SGCZ: variants seen among roughly 807,000 people sequenced by gnomAD.
The protein encoded by SGCZ is sarcoglycan zeta, also known as zeta-sarcoglycan.
A neutral mutation model predicts 41.3 loss-of-function variants in SGCZ; 40 were observed. The ratio of observed to expected loss-of-function variants is 0.97; its 90% confidence interval spans 0.75 to 1.26. The LOEUF (loss-of-function observed/expected upper bound fraction) is 1.26. Ranked by LOEUF, SGCZ falls within the 50% of genes most tolerant of loss-of-function variation. The pLI is 0.00. For synonymous variants in SGCZ, 206 were observed against 137.5 expected (o/e 1.50, Z -3.49); for missense variants, 552 against 369.8 (o/e 1.49, Z -4.04).
At chr8:14,524,382 A>G (rs770408254) in intron 2 of SGCZ, among the ~76,000 whole-genome samples, 7 of 151,934 alleles carry the variant, frequency 4.6e-5, no homozygotes, top group Non-Finnish European at 7.4e-5. Context: ...ACACTAGGCT[A>G]GGTCTCCAGT....
intron 2 of SGCZ, among the ~76,000 whole-genome samples, chr8:14,505,314 G>T (rs369660745): frequency 3.6e-4 from 55 of 152,224 alleles, no homozygotes; most frequent in African/African-American, 1.3e-3. Flanking sequence ...TGATGCAAGT[G>T]TAAGGACATA....
chr8:14,532,776 A>G (rs1458460919), intron 2 of SGCZ, among the ~76,000 whole-genome samples: 2 of 151,238 alleles, frequency 1.3e-5, no homozygotes, highest in African/African-American at 2.4e-5. Context: ...AGACTAAGCT[A>G]TTTCACTTAA....
chr8:14,088,133 G>A lies in SGCZ; in HGVS notation c.*2310C>T, dbSNP rs1243994767. ...ATTTAAAATTTCATTTTTCTCTTTT[G>A]CCTTTTGTAATTTTGAAATTAGAAC... On this transcript the variant is annotated 3_prime_UTR_variant, in exon 8 of 8. Coordinates refer to ENST00000382080, the MANE Select transcript of SGCZ (RefSeq NM_139167.4). Among the ~76,000 whole-genome samples the A allele has an allele frequency of 6.9e-6, 1 of 144,554 alleles. No individual in the cohort carries two copies. Among genetic ancestry groups the A allele is most frequent in the African/African-American group, 2.6e-5 (1 of 39,050 alleles). The allele number at this position is 144,554 out of a possible 152,430, so 94.8% of individuals were successfully genotyped here. A position where few individuals can be genotyped will look rare whatever the true frequency, so the allele number is the denominator to read the frequency against.
intron 1 of SGCZ, among the ~76,000 whole-genome samples, chr8:14,783,573 A>C (rs536727522): frequency 1.3e-4 from 20 of 148,650 alleles, no homozygotes; most frequent in Non-Finnish European, 2.4e-4. Context: ...ACTATAACAT[A>C]ATAATTTTTT....
intron 1 of SGCZ, among the ~76,000 whole-genome samples, chr8:15,133,731 C>T (rs1405125472): frequency 1.3e-5 from 2 of 152,082 alleles, no homozygotes; most frequent in Non-Finnish European, 2.9e-5. Context: ...GTCTTCACAA[C>T]AAACGAAGAT....
chr8:14,323,989 C>G, intron 3 of SGCZ, 114 bp downstream of exon 3: 1 of 644,540 alleles, frequency 1.6e-6, no homozygotes, highest in Non-Finnish European at 2.7e-6. Flanking sequence ...AGGTGTTTAG[C>G]TTAAGGAAAC....
At chr8:15,007,617 C>A (rs1423530514) in intron 1 of SGCZ, among the ~76,000 whole-genome samples, 2 of 152,144 alleles carry the variant, frequency 1.3e-5, no homozygotes, top group African/African-American at 2.4e-5. Flanking sequence ...ATTTTAAGTT[C>A]TTGAAATTAG....
At chr8:14,999,932 C>T (rs1448660458) in intron 1 of SGCZ, among the ~76,000 whole-genome samples, 1 of 152,124 alleles carries the variant, frequency 6.6e-6, no homozygotes, top group Non-Finnish European at 1.5e-5. Flanking sequence ...GGGCTGAATG[C>T]CTTCTTCCGC....
chr8:14,112,538 A>G (rs1477631410), intron 5 of SGCZ, among the ~76,000 whole-genome samples: 1 of 152,068 alleles, frequency 6.6e-6, no homozygotes, highest in Non-Finnish European at 1.5e-5. Context: ...ATATATTCAA[A>G]CTTTTTGGAA....
chr8:14,284,695 C>T (rs918054966), intron 3 of SGCZ, among the ~76,000 whole-genome samples: 1 of 152,060 alleles, frequency 6.6e-6, no homozygotes, highest in East Asian at 1.9e-4. Flanking sequence ...TTATTTTCTG[C>T]ACCTTGTTAC....
chr8:14,122,295 C>A (rs10098108), intron 5 of SGCZ, among the ~76,000 whole-genome samples: 148,890 of 152,100 alleles, frequency 0.98, 72,932 homozygotes, highest in East Asian at 1. Flanking sequence ...CAAAACAAAA[C>A]AAAAGACTTT....
At chr8:15,084,132 C>A (rs1011846540) in intron 1 of SGCZ, among the ~76,000 whole-genome samples, 2 of 152,116 alleles carry the variant, frequency 1.3e-5, no homozygotes, top group Non-Finnish European at 2.9e-5. Flanking sequence ...ACAAGTAGTT[C>A]TGTTTTCAAG....
At chr8:15,111,798 G>A (rs57760549) in intron 1 of SGCZ, among the ~76,000 whole-genome samples, 2,056 of 151,938 alleles carry the variant, frequency 0.014, 36 homozygotes, top group African/African-American at 0.047. Context: ...TACTTGGGAG[G>A]CTGAGGCAGA....
At chr8:14,831,983 TTTA>T (rs1319044806) in intron 1 of SGCZ, among the ~76,000 whole-genome samples, 1 of 152,104 alleles carries the variant, frequency 6.6e-6, no homozygotes, top group African/African-American at 2.4e-5. Flanking sequence ...TGTGTTATGT[TTTA>T]TTGAGGCATA....
At chr8:14,220,835 T>C (rs1218920736) in intron 4 of SGCZ, among the ~76,000 whole-genome samples, 2 of 151,924 alleles carry the variant, frequency 1.3e-5, no homozygotes, top group Admixed American at 6.5e-5. Context: ...AAAAAGATTG[T>C]AGCCACTTCT....
At chr8:14,378,518 A>G (rs145537317) in intron 2 of SGCZ, among the ~76,000 whole-genome samples, 11,458 of 152,160 alleles carry the variant, frequency 0.075, 1,337 homozygotes, top group African/African-American at 0.25. Context: ...GAAAATTTTC[A>G]CAACCTACTC....
At chr8:15,035,923 G>C (rs955256946) in intron 1 of SGCZ, among the ~76,000 whole-genome samples, 32 of 151,960 alleles carry the variant, frequency 2.1e-4, no homozygotes, top group Non-Finnish European at 4.4e-4. Flanking sequence ...GTAATGGATA[G>C]ATTACTCAAA....
intron 5 of SGCZ, among the ~76,000 whole-genome samples, chr8:14,110,031 G>A (rs888012565): frequency 1.3e-5 from 2 of 151,974 alleles, no homozygotes; most frequent in Non-Finnish European, 2.9e-5. Context: ...TGAATTTTGA[G>A]AAATTATTTA....
chr8:14,112,901 G>A (rs913959129), intron 5 of SGCZ, among the ~76,000 whole-genome samples: 2 of 151,132 alleles, frequency 1.3e-5, no homozygotes, highest in Non-Finnish European at 3.0e-5. Context: ...TTATTTTGGG[G>A]AAAGGATGGA....
Sources: gnomAD v4.1 joint callset for allele counts (sites outside exome capture counted in the v4.1 genomes callset) on GRCh38, gnomAD v4.1.1 for gene constraint, MANE v1.5 for transcripts, NCBI Gene and HGNC (gene_info 2026-07-23, HGNC 2026-07-21) for gene names.